Variants in DAZAP1 observed in about 807,000 individuals in gnomAD.
The protein encoded by DAZAP1 is DAZ associated protein 1, also known as DAZ-associated protein 1.
In DAZAP1, 6 loss-of-function variants were observed where a neutral mutation model predicts 60.1. The ratio of observed to expected loss-of-function variants is 0.10; its 90% confidence interval spans 0.05 to 0.20. The LOEUF (loss-of-function observed/expected upper bound fraction) is 0.20. DAZAP1 is among the 10% of genes least tolerant of loss of function. The pLI is 1.00. For synonymous variants in DAZAP1, 235 were observed against 215.9 expected, an observed-to-expected ratio of 1.09 and a Z score of -0.78; for missense variants, 366 against 560.4, an observed-to-expected ratio of 0.65 and a Z score of 3.50.
rs1206024115 is a variant in DAZAP1, at chr19:1,422,915, G to A, written c.463+519G>A. 2.6e-5 allele frequency among the ~76,000 whole-genome samples: 4 copies of A among 151,566 alleles called. No individual in the cohort carries two copies. The highest frequency in any genetic ancestry group is 2.0e-4 in the Admixed American group (3 of 15,234). Reference sequence around the variant, plus strand: ...GCAGGGCAGGTGGGAGGAGGGGTGAGGAGTCACCTCAGGGCCTCCCCTCAT... The same window carrying A: ...GCAGGGCAGGTGGGAGGAGGGGTGAAGAGTCACCTCAGGGCCTCCCCTCAT... On this transcript the variant is annotated intron_variant, in intron 6 of 11. Transcript: ENST00000233078. This position sits in a 1 kb window ranked among gnomAD's most constrained non-coding sequence, Gnocchi z 4.5.
chr19:1,433,719 C>CTGG lies in DAZAP1; in HGVS notation c.1049-1016_1049-1014dup. The CTGG allele has an allele frequency of 6.2e-7, 1 of 1,610,546 alleles. No individual in the cohort carries two copies. The highest frequency in any genetic ancestry group is 8.5e-7 in the Non-Finnish European group (1 of 1,177,454). On this transcript the variant is annotated intron_variant, in intron 11 of 11. Coordinates refer to ENST00000233078, the MANE Select transcript of DAZAP1 (RefSeq NM_018959.4). This position sits in a 1 kb window ranked among gnomAD's most constrained non-coding sequence, Gnocchi z 6.1. Reference sequence around the variant, plus strand: ...GTGGCGGCTGCTTGGGTTGGTCACCCTGGTCTCGTCTCTTGCCAGGCCTGG... The same window carrying CTGG: ...GTGGCGGCTGCTTGGGTTGGTCACCCTGGTGGTCTCGTCTCTTGCCAGGCCTGG...
chr19:1,434,956 A>G lies in DAZAP1; in HGVS notation c.*44A>G. ...CTGCACGGCCCAGACCCAGGATTCCAAACTTGTGAACTCGTGACAATCACA... is the reference window on the plus strand; with the variant it reads ...CTGCACGGCCCAGACCCAGGATTCCGAACTTGTGAACTCGTGACAATCACA... On this transcript the variant is annotated 3_prime_UTR_variant, in exon 12 of 12. Coordinates refer to ENST00000233078, the MANE Select transcript of DAZAP1 (RefSeq NM_018959.4). This position sits in a 1 kb window ranked among gnomAD's most constrained non-coding sequence, Gnocchi z 8.0. The G allele has an allele frequency of 9.0e-7, 1 of 1,107,662 alleles. No individual in the cohort carries two copies. The highest frequency in any genetic ancestry group is 2.7e-5 in the South Asian group (1 of 37,416). The allele number at this position is 1,107,662 out of a possible 1,614,324, so 68.6% of individuals were successfully genotyped here.
At position 1,429,881 on chromosome 19, in the gene DAZAP1, C is replaced by T. The variant is rs1600240937; in HGVS notation, c.701-86C>T. Reference sequence around the variant, plus strand: ...GGAGGCTCCGGGGTTGGTCCCAGCCCTTGACGTCCATGCTCTGCGGCTCCT... The same window carrying T: ...GGAGGCTCCGGGGTTGGTCCCAGCCTTTGACGTCCATGCTCTGCGGCTCCT... On this transcript the variant is annotated intron_variant, in intron 8 of 11. Transcript: ENST00000233078. 7.2e-6 allele frequency: 11 copies of T among 1,529,702 alleles called. No individual in the cohort carries two copies. The East Asian group carries it at 2.7e-4, about 37-fold the overall frequency. 94.8% of individuals were successfully genotyped at this position (1,529,702 alleles called of 1,614,324 possible).
intron 1 of DAZAP1, among the ~76,000 whole-genome samples, chr19:1,412,606 C>G (rs543887625): frequency 2.6e-5 from 4 of 152,234 alleles, no homozygotes. Context: ...GAAGCCCACT[C>G]TGGTGCTGCC....
chr19:1,429,728 A>G (rs1232210429), intron 8 of DAZAP1, among the ~76,000 whole-genome samples: 3 of 152,210 alleles, frequency 2.0e-5, no homozygotes, highest in Admixed American at 1.3e-4. Context: ...GTCAGCAGAC[A>G]CAGTGCCCGC....
intron 8 of DAZAP1, among the ~76,000 whole-genome samples, chr19:1,429,456 C>T (rs2083387233): frequency 6.6e-6 from 1 of 152,196 alleles, no homozygotes; most frequent in African/African-American, 2.4e-5. Context: ...ACGTTGTGGG[C>T]CGTCCTTGGA....
chr19:1,411,859 T>C (rs553285964), intron 1 of DAZAP1, among the ~76,000 whole-genome samples: 204 of 152,314 alleles, frequency 1.3e-3, no homozygotes, highest in Non-Finnish European at 2.0e-3. Context: ...GTGCGACCCG[T>C]CAATCTGAGG....
Position 1,418,036 on chromosome 19 carries a change from T to A in DAZAP1, c.71-168T>A, listed in dbSNP as rs2083038444. On this transcript the variant is annotated intron_variant, in intron 2 of 11. Coordinates refer to ENST00000233078, the MANE Select transcript of DAZAP1 (RefSeq NM_018959.4). The surrounding 1 kb of genome is among the most constrained non-coding windows in gnomAD (Gnocchi z 5.7). Reference sequence around the variant, plus strand: ...GATTTACGTGAGGACCTCAAGTGTGTGTTGGGCAGAATTCCCCAGCGCTTC... The same window carrying A: ...GATTTACGTGAGGACCTCAAGTGTGAGTTGGGCAGAATTCCCCAGCGCTTC... Among the ~76,000 whole-genome samples the A allele has an allele frequency of 6.6e-6, 1 of 152,140 alleles. No homozygotes were observed.
intron 9 of DAZAP1, 108 bp downstream of exon 9, chr19:1,430,104 C>G (rs959646702): frequency 7.0e-6 from 11 of 1,566,878 alleles, no homozygotes; most frequent in Non-Finnish European, 9.6e-6. Flanking sequence ...GTCCTGAGTG[C>G]TGGAGAGGAA....
rs2083177921 is a variant in DAZAP1 at position 1,422,225 on chromosome 19, C to T, written c.415-123C>T. On this transcript the variant is annotated intron_variant, in intron 5 of 11. Transcript: ENST00000233078. This position sits in a 1 kb window ranked among gnomAD's most constrained non-coding sequence, Gnocchi z 4.5. ...CGGAGCAGCTGTTGCCCGTGCACCT[C>T]CCCCGCTCAGGGAGGGCGCACCCTG... The T allele has an allele frequency of 2.4e-6, 2 of 829,542 alleles. No individual in the cohort carries two copies. The highest frequency in any genetic ancestry group is 1.7e-5 in the African/African-American group (1 of 58,320). The allele number at this position is 829,542 out of a possible 1,614,324, so 51.4% of individuals were successfully genotyped here.
intron 10 of DAZAP1, among the ~76,000 whole-genome samples, chr19:1,431,059 T>G (rs1285322942): frequency 6.6e-6 from 1 of 151,902 alleles, no homozygotes; most frequent in Non-Finnish European, 1.5e-5. Context: ...CCTGTACACG[T>G]CACTTGTAAT....
Position 1,434,480 on chromosome 19 carries a change from T to G in DAZAP1, c.1049-257T>G. ...TCTTCGGGATTGAACAGGGAAGCGG[T>G]GAGGTTACGTGGGCCATGGAGGGCT... On this transcript the variant is annotated intron_variant, in intron 11 of 11. Transcript: ENST00000233078. This position sits in a 1 kb window ranked among gnomAD's most constrained non-coding sequence, Gnocchi z 8.0. The G allele has an allele frequency of 2.3e-6, 1 of 440,274 alleles. No homozygotes were observed. The highest frequency in any genetic ancestry group is 4.1e-6 in the Non-Finnish European group (1 of 245,370). The allele number at this position is 440,274 out of a possible 1,614,324, so 27.3% of individuals were successfully genotyped here. A position where few individuals can be genotyped will look rare whatever the true frequency, so the allele number is the denominator to read the frequency against.
chr19:1,423,899 A>G lies in DAZAP1; in HGVS notation c.463+1503A>G, dbSNP rs2083230971. ...CTGAGTCCACACTGGTGTACAGAGC[A>G]CTTCGGGGCCAGCACGTGGCCACAT... On this transcript the variant is annotated intron_variant, in intron 6 of 11. Coordinates refer to ENST00000233078, the MANE Select transcript of DAZAP1 (RefSeq NM_018959.4). The surrounding 1 kb of genome is among the most constrained non-coding windows in gnomAD (Gnocchi z 6.8). 6.6e-6 allele frequency among the ~76,000 whole-genome samples: 1 copy of G among 152,196 alleles called. No homozygotes were observed. Among genetic ancestry groups the G allele is most frequent in the African/African-American group, 2.4e-5 (1 of 41,444 alleles).
At position 1,434,102 on chromosome 19, in the gene DAZAP1, A is replaced by T. The variant is rs570303619; in HGVS notation, c.1049-635A>T. 1 of 502,218 alleles carries T rather than the reference A, an allele frequency of 2.0e-6. No homozygotes were observed. The highest frequency in any genetic ancestry group is 1.9e-5 in the African/African-American group (1 of 51,504). 31.1% of individuals were successfully genotyped at this position (502,218 alleles called of 1,614,324 possible). Reference sequence around the variant, plus strand: ...GTGCAGCGGGGTGGGGAGCGGCGTGAGCAGCTCTGTCCTTGTAAAGACACC... The same window carrying T: ...GTGCAGCGGGGTGGGGAGCGGCGTGTGCAGCTCTGTCCTTGTAAAGACACC... On this transcript the variant is annotated intron_variant, in intron 11 of 11. Transcript: ENST00000233078. This position sits in a 1 kb window ranked among gnomAD's most constrained non-coding sequence, Gnocchi z 8.0.
At chr19:1,415,103 G>A (rs900891649) in intron 1 of DAZAP1, among the ~76,000 whole-genome samples, 10 of 151,958 alleles carry the variant, frequency 6.6e-5, no homozygotes, top group African/African-American at 1.9e-4. Context: ...TAACCCCCCC[G>A]GCCCTGTTTC....
intron 1 of DAZAP1, among the ~76,000 whole-genome samples, chr19:1,408,585 A>C (rs1441917795): frequency 7.0e-6 from 1 of 142,218 alleles, no homozygotes; most frequent in African/African-American, 2.5e-5. Flanking sequence ...CCCAGGGCCC[A>C]GGGGGCTCGG....
At position 1,418,496 on chromosome 19, in the gene DAZAP1, G is replaced by C. The variant is rs989790575; in HGVS notation, c.237+126G>C. ...GTTTGAACGTGGGGTCGATTGGGAAGGATTAAGCCTTGGTGCTGAGGCTGG... is the reference window on the plus strand; with the variant it reads ...GTTTGAACGTGGGGTCGATTGGGAACGATTAAGCCTTGGTGCTGAGGCTGG... On this transcript the variant is annotated intron_variant, in intron 3 of 11. Coordinates refer to ENST00000233078, the MANE Select transcript of DAZAP1 (RefSeq NM_018959.4). The surrounding 1 kb of genome is among the most constrained non-coding windows in gnomAD (Gnocchi z 5.7). The C allele has an allele frequency of 4.2e-6, 6 of 1,439,796 alleles. No individual in the cohort carries two copies. The highest frequency in any genetic ancestry group is 4.8e-6 in the Non-Finnish European group (5 of 1,034,562). The allele number at this position is 1,439,796 out of a possible 1,614,324, so 89.2% of individuals were successfully genotyped here. A position where few individuals can be genotyped will look rare whatever the true frequency, so the allele number is the denominator to read the frequency against.
chr19:1,414,391 A>G (rs1486823932), intron 1 of DAZAP1, among the ~76,000 whole-genome samples: 3 of 152,166 alleles, frequency 2.0e-5, no homozygotes, highest in Admixed American at 2.0e-4. Context: ...GTGTACACTG[A>G]GATATCTATT....
chr19:1,429,928 G>A lies in DAZAP1; in HGVS notation c.701-39G>A, dbSNP rs1281073515. Reference sequence around the variant, plus strand: ...TCCTTCTCTGCGTCGGACAGCTGGTGGACACGGCGCCAACCTCCTCTTCTG... The same window carrying A: ...TCCTTCTCTGCGTCGGACAGCTGGTAGACACGGCGCCAACCTCCTCTTCTG... On this transcript the variant is annotated intron_variant, in intron 8 of 11. Coordinates refer to ENST00000233078, the MANE Select transcript of DAZAP1 (RefSeq NM_018959.4). 3 of 1,555,412 alleles carry A rather than the reference G, an allele frequency of 1.9e-6. No individual in the cohort carries two copies. In the Admixed American group the frequency reaches 5.8e-5, roughly 30 times the overall value.
Sources: allele counts gnomAD v4.1 joint callset (sites outside exome capture counted in the v4.1 genomes callset), GRCh38; gene constraint gnomAD v4.1.1; non-coding constraint Gnocchi (gnomAD v3.1); transcripts MANE v1.5; gene names NCBI Gene and HGNC (gene_info 2026-07-23, HGNC 2026-07-21).